Variants in CSMD1 observed in about 807,000 individuals in gnomAD.
The protein encoded by CSMD1 is CUB and sushi domain-containing protein 1.
In CSMD1, 213 loss-of-function variants were observed where a neutral mutation model predicts 417.5. The observed-to-expected ratio is 0.51, with a 90% CI of 0.46 to 0.57. The LOEUF is 0.57. CSMD1 is among the 20% of genes least tolerant of loss of function. The probability of loss-of-function intolerance (pLI) is 0.00; values close to 1 mark genes in which losing one functional copy is unlikely to be tolerated. For missense variants in CSMD1, 6,923 were observed against 4,529.7 expected (o/e 1.53, Z -15.17); for synonymous variants, 2,862 against 1,736.8 (o/e 1.65, Z -16.11).
intron 1 of CSMD1, among the ~76,000 whole-genome samples, chr8:4,730,446 G>C (rs1249550632): frequency 6.6e-6 from 1 of 152,042 alleles, no homozygotes; most frequent in Non-Finnish European, 1.5e-5. Context: ...TCAGATTTAA[G>C]AATAAAGAAA....
At chr8:3,186,641 T>C (rs1034360800) in intron 36 of CSMD1, among the ~76,000 whole-genome samples, 5 of 152,136 alleles carry the variant, frequency 3.3e-5, no homozygotes, top group Non-Finnish European at 7.3e-5. Context: ...TGAGTAAAAG[T>C]AGAACGGAAA....
At chr8:3,433,061 G>A (rs1354797800) in intron 12 of CSMD1, among the ~76,000 whole-genome samples, 1 of 152,146 alleles carries the variant, frequency 6.6e-6, no homozygotes, top group Non-Finnish European at 1.5e-5. Context: ...CTGTGTCATA[G>A]CAACCTAGTT....
At chr8:4,502,367 C>T (rs149875287) in intron 2 of CSMD1, among the ~76,000 whole-genome samples, 135 of 152,224 alleles carry the variant, frequency 8.9e-4, no homozygotes, top group African/African-American at 3.1e-3. Context: ...CTACTGCAGT[C>T]TCTGGCATAT....
chr8:3,806,288 A>C (rs1185010645), intron 5 of CSMD1, among the ~76,000 whole-genome samples: 1 of 152,144 alleles, frequency 6.6e-6, no homozygotes, highest in East Asian at 1.9e-4. Context: ...CATTCTGTCT[A>C]TCGTAATGAT....
chr8:4,933,634 T>C (rs1206879878), intron 1 of CSMD1, among the ~76,000 whole-genome samples: 1 of 152,104 alleles, frequency 6.6e-6, no homozygotes. Flanking sequence ...ACAATGTACT[T>C]TCCGAATGCC....
chr8:4,674,372 T>C (rs368623971), intron 1 of CSMD1, among the ~76,000 whole-genome samples: 1 of 151,966 alleles, frequency 6.6e-6, no homozygotes. Flanking sequence ...GATGCCAGGA[T>C]AGGTTGAAAA....
Position 4,406,651 on chromosome 8 carries a change from G to A in CSMD1, c.415+13302C>T, listed in dbSNP as rs78437227. On this transcript the variant is annotated intron_variant, in intron 3 of 69. Transcript: ENST00000635120. Reference sequence around the variant, plus strand: ...GACTGGCCACACAACAGGAAGCATGGGCACTCCTCCTGGCCATGCCTTACA... The same window carrying A: ...GACTGGCCACACAACAGGAAGCATGAGCACTCCTCCTGGCCATGCCTTACA... 4.1e-3 allele frequency among the ~76,000 whole-genome samples: 625 copies of A among 152,196 alleles called. 2 individuals are homozygous for A. Among genetic ancestry groups the A allele is most frequent in the African/African-American group, 0.014 (586 of 41,532 alleles).
intron 49 of CSMD1, among the ~76,000 whole-genome samples, chr8:3,059,603 G>A (rs1812457328): frequency 1.3e-5 from 2 of 152,136 alleles, no homozygotes; most frequent in South Asian, 2.1e-4. Context: ...GATGGGCAGT[G>A]ACACCAACTC....
In CSMD1 at chr8:4,872,758, T is replaced by G. The variant is rs556692083; in HGVS notation, c.85+121574A>C. On this transcript the variant is annotated intron_variant, in intron 1 of 69. Coordinates refer to ENST00000635120, the MANE Select transcript of CSMD1 (RefSeq NM_033225.6). ...ATTAAAAGATAATTAAAAGATATCT[T>G]GCACATTTATAATTCATAGTTCACT... 5.9e-5 allele frequency among the ~76,000 whole-genome samples: 9 copies of G among 152,252 alleles called. No homozygotes were observed. The South Asian group carries it at 6.2e-4, about 11-fold the overall frequency.
intron 1 of CSMD1, among the ~76,000 whole-genome samples, chr8:4,888,893 AC>A (rs1425201774): frequency 6.6e-6 from 1 of 152,134 alleles, no homozygotes; most frequent in Non-Finnish European, 1.5e-5. Context: ...TGTAACCCAT[AC>A]ATTCACACAA....
At chr8:3,609,960 C>T (rs996665267) in intron 8 of CSMD1, among the ~76,000 whole-genome samples, 1 of 151,610 alleles carries the variant, frequency 6.6e-6, no homozygotes, top group African/African-American at 2.4e-5. Flanking sequence ...CACCAACATG[C>T]CCAGCTAATT....
At chr8:4,850,367 T>C (rs906715816) in intron 1 of CSMD1, among the ~76,000 whole-genome samples, 1 of 147,090 alleles carries the variant, frequency 6.8e-6, no homozygotes, top group African/African-American at 2.5e-5. Flanking sequence ...TTTATTTTGA[T>C]GAAATCCAAT....
In CSMD1 at chr8:3,701,428, G is replaced by A. The variant is rs895156621; in HGVS notation, c.1009+6986C>T. Among the ~76,000 whole-genome samples the A allele has an allele frequency of 3.9e-5, 6 of 152,044 alleles. 1 individual carries two copies. Among genetic ancestry groups the A allele is most frequent in the African/African-American group, 1.2e-4 (5 of 41,400 alleles). On this transcript the variant is annotated intron_variant, in intron 7 of 69. Coordinates refer to ENST00000635120, the MANE Select transcript of CSMD1 (RefSeq NM_033225.6). ...CGAAAGTCTGTCCCCGGGCTGAACC[G>A]AAGCTGCTGCTGGCGGTTATGGTGC...
At chr8:4,506,413 C>G (rs1231018056) in intron 2 of CSMD1, among the ~76,000 whole-genome samples, 9 of 152,062 alleles carry the variant, frequency 5.9e-5, no homozygotes, top group Non-Finnish European at 1.5e-5. Context: ...AAGTGATGAA[C>G]GCCGCACTTC....
At chr8:3,831,454 G>A (rs1034229112) in intron 5 of CSMD1, among the ~76,000 whole-genome samples, 6 of 152,132 alleles carry the variant, frequency 3.9e-5, no homozygotes, top group Non-Finnish European at 5.9e-5. Flanking sequence ...ACATCCAGGA[G>A]ATTCCTTATA....
intron 5 of CSMD1, among the ~76,000 whole-genome samples, chr8:3,857,683 G>T (rs977006396): frequency 6.6e-6 from 1 of 152,146 alleles, no homozygotes; most frequent in South Asian, 2.1e-4. Context: ...ACACTTCTTA[G>T]ATTCTTCATA....
At chr8:4,665,909 T>C (rs1235284663) in intron 1 of CSMD1, among the ~76,000 whole-genome samples, 1 of 152,222 alleles carries the variant, frequency 6.6e-6, no homozygotes, top group South Asian at 2.1e-4. Flanking sequence ...GGTATATATT[T>C]TACTTTACAA....
intron 5 of CSMD1, among the ~76,000 whole-genome samples, chr8:3,797,303 T>A (rs951995001): frequency 2.6e-5 from 4 of 151,876 alleles, no homozygotes. Context: ...GAAACGCACA[T>A]GTCTTTGTTA....
intron 3 of CSMD1, among the ~76,000 whole-genome samples, chr8:4,357,634 A>T (rs546322891): frequency 1.3e-5 from 2 of 152,174 alleles, no homozygotes; most frequent in Non-Finnish European, 2.9e-5. Flanking sequence ...AATAAATACA[A>T]TATCTACAGG....
Sources: gnomAD v4.1 joint callset for allele counts (sites outside exome capture counted in the v4.1 genomes callset) on GRCh38, gnomAD v4.1.1 for gene constraint, MANE v1.5 for transcripts, NCBI Gene and HGNC (gene_info 2026-07-23, HGNC 2026-07-21) for gene names.